ZNF469: variants seen among roughly 807,000 people sequenced by gnomAD.
ZNF469 encodes zinc finger protein 469.
Under a neutral mutation model 1.0 loss-of-function variants are expected in ZNF469, and 1 was observed. The ratio of observed to expected loss-of-function variants is 1.00; its 90% confidence interval spans 0.35 to 4.73. The LOEUF (loss-of-function observed/expected upper bound fraction) is 4.73. ZNF469 is among the 30% of genes most tolerant of loss of function. The pLI, the probability that ZNF469 is intolerant of heterozygous loss-of-function variation, is 0.16. For missense variants in ZNF469, 6,100 were observed against 5,356.3 expected (o/e 1.14, Z -4.33); for synonymous variants, 2,703 against 2,363.4 (o/e 1.14, Z -4.17).
the ZNF469 span, among the ~76,000 whole-genome samples, chr16:88,309,418 C>G: frequency 6.7e-6 from 1 of 148,474 alleles, no homozygotes; most frequent in Non-Finnish European, 1.5e-5. Context: ...GGAGTGCCCT[C>G]TGAGGTCCCC....
the ZNF469 span, among the ~76,000 whole-genome samples, chr16:88,253,478 G>A: frequency 6.0e-5 from 9 of 150,798 alleles, no homozygotes; most frequent in African/African-American, 2.0e-4. Flanking sequence ...TGAGCTTAGG[G>A]ACCATTTGTG....
At position 88,428,573 on chromosome 16, in the gene ZNF469, T is replaced by C; in HGVS notation, c.1103T>C (p.Phe368Ser). 6.5e-7 allele frequency: 1 copy of C among 1,550,142 alleles called. No individual in the cohort carries two copies. The highest frequency in any genetic ancestry group is 8.7e-7 in the Non-Finnish European group (1 of 1,146,850). ...PGAAHSAPRP[F>S]SDSLHKSLTK... ...GCTGCTCACTCGGCCCCGAGACCCT[T>C]CTCTGACAGTTTACACAAGAGCCTG... is the stretch of plus-strand genomic sequence containing the variant. Residue 368 changes from phenylalanine (F) to serine (S), a missense_variant, in exon 3 of 3, where the codon TTC becomes TCC. Physicochemically the swap from Phe to Ser is radical, Grantham distance 155 (BLOSUM62 -2). Transcript: ENST00000565624.
chr16:88,375,023 C>T, the ZNF469 span, among the ~76,000 whole-genome samples: 2 of 152,236 alleles, frequency 1.3e-5, no homozygotes, highest in East Asian at 1.9e-4. Context: ...GGCACCGAAG[C>T]GCTGGGACTG....
At chr16:88,163,526 ATGG>A in the ZNF469 span, among the ~76,000 whole-genome samples, 2 of 139,034 alleles carry the variant, frequency 1.4e-5, no homozygotes, top group Non-Finnish European at 3.3e-5. Flanking sequence ...GGATGGATGG[ATGG>A]ATGGATGGAT....
At chr16:88,420,094 CAG>C (rs1905413154) in intron 1 of ZNF469, among the ~76,000 whole-genome samples, 2 of 152,222 alleles carry the variant, frequency 1.3e-5, no homozygotes, top group South Asian at 4.1e-4. Flanking sequence ...GTGGGGAAGA[CAG>C]GGCACATGCA....
intron 1 of ZNF469, among the ~76,000 whole-genome samples, chr16:88,396,392 C>G (rs1375904587): frequency 1.3e-5 from 2 of 151,838 alleles, no homozygotes; most frequent in South Asian, 2.1e-4. Flanking sequence ...AGAGACCCAT[C>G]TGAAGGGAGG....
At chr16:88,277,603 T>A in the ZNF469 span, among the ~76,000 whole-genome samples, 1 of 133,246 alleles carries the variant, frequency 7.5e-6, no homozygotes, top group Non-Finnish European at 1.5e-5. Context: ...ACCACGCTGA[T>A]GCTCCGTCAG....
rs1323832741 is a variant in ZNF469 at position 88,428,706 on chromosome 16, A to G, written c.1236A>G (p.Arg412=). ...PQRHFPGQAY[R]ASGVDTSPGP... is the part of the protein sequence containing the mutation. Reference sequence around the variant, plus strand: ...GGCACTTTCCAGGGCAGGCGTACAGAGCCAGTGGGGTGGACACCAGCCCGG... The same window carrying G: ...GGCACTTTCCAGGGCAGGCGTACAGGGCCAGTGGGGTGGACACCAGCCCGG... Residue 412 remains arginine, a synonymous_variant, in exon 3 of 3, where the codon AGA becomes AGG. Transcript: ENST00000565624. The G allele has an allele frequency of 6.5e-7, 1 of 1,548,752 alleles. No individual in the cohort carries two copies. The highest frequency in any genetic ancestry group is 2.0e-5 in the Admixed American group (1 of 50,992).
chr16:88,408,993 G>A (rs1328264033), intron 1 of ZNF469, among the ~76,000 whole-genome samples: 1 of 152,250 alleles, frequency 6.6e-6, no homozygotes, highest in East Asian at 1.9e-4. Flanking sequence ...GGGCTTGTGT[G>A]GGCTGAAGGT....
Position 88,435,433 on chromosome 16 carries a change from G to A in ZNF469, c.7963G>A (p.Val2655Met). The A allele has an allele frequency of 6.5e-7, 1 of 1,550,264 alleles. No individual in the cohort carries two copies. Among genetic ancestry groups the A allele is most frequent in the Non-Finnish European group, 8.7e-7 (1 of 1,146,992 alleles). The change falls in exon 3 of 3, where the codon GTG becomes ATG. Residue 2655 changes from valine to methionine, a missense_variant. Transcript: ENST00000565624. ...GAGCATTCTTCCAGTCTCTGCTGAT[G>A]TGATTTCAGATGGGCGCGGCTCCAG... ...EESILPVSAD[V>M]ISDGRGSRPS...
intron 1 of ZNF469, among the ~76,000 whole-genome samples, chr16:88,396,526 T>C (rs1421695365): frequency 8.4e-5 from 8 of 95,044 alleles, no homozygotes; most frequent in Admixed American, 2.2e-4. Flanking sequence ...CGGAGACCCG[T>C]CTGAAGGGAG....
chr16:88,333,672 G>A, the ZNF469 span, among the ~76,000 whole-genome samples: 1 of 152,256 alleles, frequency 6.6e-6, no homozygotes, highest in Non-Finnish European at 1.5e-5. Flanking sequence ...GTCTTTGCAT[G>A]TGTGGCCGGG....
At chr16:88,125,690 A>G in the ZNF469 span, among the ~76,000 whole-genome samples, 1 of 152,370 alleles carries the variant, frequency 6.6e-6, no homozygotes, top group East Asian at 1.9e-4. Context: ...CTGAAGAGAA[A>G]TCAGAGTATA....
At chr16:88,253,610 T>A in the ZNF469 span, among the ~76,000 whole-genome samples, 1 of 151,266 alleles carries the variant, frequency 6.6e-6, no homozygotes, top group Middle Eastern at 3.4e-3. Flanking sequence ...TGATCTCGGC[T>A]CACTGCAAAC....
At chr16:88,321,455 T>A in the ZNF469 span, among the ~76,000 whole-genome samples, 2 of 151,312 alleles carry the variant, frequency 1.3e-5, no homozygotes. Context: ...CCTTGGCTGC[T>A]GTGTTAGGCC....
chr16:88,379,375 G>C (rs570619385), upstream of ZNF469, among the ~76,000 whole-genome samples: 3 of 152,286 alleles, frequency 2.0e-5, no homozygotes, highest in African/African-American at 7.2e-5. Context: ...AGACACAGGG[G>C]ACCTTCCCAG....
the ZNF469 span, among the ~76,000 whole-genome samples, chr16:88,311,998 C>T: frequency 5.3e-5 from 8 of 152,156 alleles, no homozygotes; most frequent in Admixed American, 3.9e-4. Context: ...ACTCACAGTT[C>T]CACATGGCTG....
At chr16:88,108,168 G>C in the ZNF469 span, among the ~76,000 whole-genome samples, 1 of 147,044 alleles carries the variant, frequency 6.8e-6, no homozygotes, top group African/African-American at 2.7e-5. Context: ...CACGTCTGTG[G>C]GGATGTGGGG....
chr16:88,365,471 G>A, the ZNF469 span, among the ~76,000 whole-genome samples: 1 of 152,242 alleles, frequency 6.6e-6, no homozygotes, highest in Non-Finnish European at 1.5e-5. Context: ...ATCTGCTGCT[G>A]GACCAGGAGG....
Sources: allele counts gnomAD v4.1 joint callset (sites outside exome capture counted in the v4.1 genomes callset), GRCh38; gene constraint gnomAD v4.1.1; transcripts MANE v1.5; gene names NCBI Gene and HGNC (gene_info 2026-07-23, HGNC 2026-07-21).